The following INTS6L variants were observed in gnomAD, a reference collection of about 807,000 sequenced individuals.
INTS6L encodes integrator complex subunit 6 like.
INTS6L carries 18 observed loss-of-function variants against 64.7 expected under a neutral mutation model. The observed-to-expected ratio is 0.28, with a 90% CI of 0.19 to 0.41. The LOEUF (loss-of-function observed/expected upper bound fraction) is 0.41, where lower values mean the gene tolerates loss of function less well. Among genes scored for constraint, INTS6L ranks in the 10% least tolerant of loss-of-function variants. INTS6L has a pLI of 1.00. For synonymous variants in INTS6L, 227 were observed against 235.9 expected, an observed-to-expected ratio of 0.96 and a Z score of 0.34; for missense variants, 533 against 661.0, an observed-to-expected ratio of 0.81 and a Z score of 2.12.
At chrX:135,560,997 G>A (rs1457534924) in intron 9 of INTS6L, among the ~76,000 whole-genome samples, 37 of 86,261 alleles carry the variant, frequency 4.3e-4, no homozygotes, top group Non-Finnish European at 7.4e-4. Context: ...GTGTTGCCCA[G>A]GCTGGAGTGC....
In INTS6L at chrX:135,572,807, C is replaced by G; in HGVS notation, c.1399-8C>G. On this transcript the variant is annotated splice_region_variant and splice_polypyrimidine_tract_variant and intron_variant, in intron 11 of 17. Transcript: ENST00000639893. The stretch of plus-strand genomic sequence containing the variant: ...GTTTTTATAACATACTATGTACTTT[C>G]ATTTTAGACCAAACTAGAGTCAGAA... The G allele has an allele frequency of 1.7e-6, 2 of 1,199,973 alleles. No homozygotes were observed. Among genetic ancestry groups the G allele is most frequent in the Non-Finnish European group, 2.3e-6 (2 of 887,272 alleles).
chrX:135,578,876 A>G (rs2087300321), intron 15 of INTS6L, among the ~76,000 whole-genome samples: 1 of 111,459 alleles, frequency 9.0e-6, no homozygotes, highest in Non-Finnish European at 1.9e-5. Context: ...CTGCATGTAT[A>G]TCACATCATG....
At chrX:135,550,923 G>T (rs781901599) in intron 7 of INTS6L, among the ~76,000 whole-genome samples, 1 of 111,620 alleles carries the variant, frequency 9.0e-6, no homozygotes, top group Non-Finnish European at 1.9e-5. Flanking sequence ...ATTTTTACCT[G>T]TTCAAATCTA....
At chrX:135,535,770 G>A (rs1201994512) in intron 2 of INTS6L, among the ~76,000 whole-genome samples, 4 of 111,864 alleles carry the variant, frequency 3.6e-5, no homozygotes, top group African/African-American at 1.3e-4. Flanking sequence ...TTTAGACTCT[G>A]GCTTTAACTT....
At chrX:135,557,798 A>G (rs2148641241) in intron 9 of INTS6L, among the ~76,000 whole-genome samples, 1 of 112,353 alleles carries the variant, frequency 8.9e-6, no homozygotes, top group East Asian at 2.8e-4. Context: ...ACATGGGACT[A>G]TATCAACCTT....
At chrX:135,581,251 C>T in intron 17 of INTS6L, 108 bp downstream of exon 17, 1 of 588,728 alleles carries the variant, frequency 1.7e-6, no homozygotes, top group Non-Finnish European at 2.6e-6. Context: ...TTTCTCAAAC[C>T]CTGGCCCTCA....
intron 9 of INTS6L, among the ~76,000 whole-genome samples, chrX:135,562,328 A>G (rs73561617): frequency 0.025 from 2,747 of 111,883 alleles, 80 homozygotes; most frequent in African/African-American, 0.082. Flanking sequence ...TTTTGTTACT[A>G]GTTTCTAGAT....
intron 2 of INTS6L, among the ~76,000 whole-genome samples, chrX:135,532,482 A>C (rs1192932016): frequency 1.8e-5 from 2 of 112,425 alleles, no homozygotes; most frequent in Non-Finnish European, 3.8e-5. Flanking sequence ...CTAGTAGATC[A>C]TACCATCTAC....
At chrX:135,557,344 C>T (rs926922733) in intron 9 of INTS6L, among the ~76,000 whole-genome samples, 2 of 111,603 alleles carry the variant, frequency 1.8e-5, no homozygotes, top group Non-Finnish European at 3.8e-5. Context: ...ATGTAATCTT[C>T]ACTAACACTG....
intron 2 of INTS6L, among the ~76,000 whole-genome samples, chrX:135,543,983 A>G (rs782696226): frequency 1.8e-5 from 2 of 112,487 alleles, no homozygotes; most frequent in Non-Finnish European, 3.8e-5. Flanking sequence ...GAACATTAAA[A>G]TAAAAGACAA....
chrX:135,530,818 G>C (rs2085888261), intron 2 of INTS6L, among the ~76,000 whole-genome samples: 1 of 112,167 alleles, frequency 8.9e-6, no homozygotes, highest in South Asian at 3.7e-4. Flanking sequence ...AAGAAGTAGA[G>C]ATGTCAGTCA....
chrX:135,533,676 G>C (rs189661854), intron 2 of INTS6L, among the ~76,000 whole-genome samples: 6 of 111,165 alleles, frequency 5.4e-5, no homozygotes, highest in African/African-American at 2.0e-4. Context: ...TCTTCAGAAC[G>C]TAATAAATGG....
At chrX:135,552,546 G>GAACC (rs1422676664) in intron 8 of INTS6L, among the ~76,000 whole-genome samples, 1 of 111,858 alleles carries the variant, frequency 8.9e-6, no homozygotes, top group African/African-American at 3.3e-5. Context: ...TTTAGGCAGA[G>GAACC]AACCATAAGT....
rs1556515324 is a variant in INTS6L at position 135,547,139 on chromosome X, C to T, written c.616C>T (p.Arg206Cys). ...ATTTATTTTTCCTTCTGGGATAGGT[C>T]GCTCCTACTGTGTGAGAACACAAAG... is the stretch of plus-strand genomic sequence containing the variant. Reference protein sequence around the residue: ...ITQMCEVTGGRSYCVRTQRML... With the variant: ...ITQMCEVTGGCSYCVRTQRML... The change falls in exon 6 of 18, where the codon CGC (arginine) becomes TGC (cysteine). Residue 206 changes from arginine to cysteine, a missense_variant and splice_region_variant. Arg to Cys is a radical substitution (Grantham distance 180). Transcript: ENST00000639893. The T allele has an allele frequency of 8.3e-7, 1 of 1,207,423 alleles. No individual in the cohort carries two copies. Among genetic ancestry groups the T allele is most frequent in the Admixed American group, 2.2e-5 (1 of 45,158 alleles).
At chrX:135,569,939 C>T (rs2087052526) in intron 10 of INTS6L, 1 of 113,812 alleles carries the variant, frequency 8.8e-6, no homozygotes. Context: ...TTTTGGATTT[C>T]ATAATGTGAA....
intron 8 of INTS6L, among the ~76,000 whole-genome samples, chrX:135,553,546 A>G (rs1436394564): frequency 9.9e-6 from 1 of 101,223 alleles, no homozygotes; most frequent in Non-Finnish European, 2.0e-5. Context: ...CTGGTCTCAA[A>G]CTCCTGGGCT....
Position 135,547,278 on chromosome X carries a change from A to G in INTS6L, c.742+13A>G. 1.7e-6 allele frequency: 2 copies of G among 1,195,103 alleles called. No individual in the cohort carries two copies. The highest frequency in any genetic ancestry group is 2.2e-6 in the Non-Finnish European group (2 of 889,499). On this transcript the variant is annotated intron_variant, in intron 6 of 17. Coordinates refer to ENST00000639893, the MANE Select transcript of INTS6L (RefSeq NM_001351601.3). ...CCTATTGGAGAAGGTATAGTAGATA[A>G]CTTTTTTAACCCTAAAGTGTTATAT...
intron 2 of INTS6L, among the ~76,000 whole-genome samples, chrX:135,538,815 A>C (rs2086121764): frequency 8.9e-6 from 1 of 112,545 alleles, no homozygotes; most frequent in African/African-American, 3.2e-5. Context: ...CTCCTTGTAC[A>C]TCTACATCAG....
At position 135,577,906 on chromosome X, in the gene INTS6L, G is replaced by C. The variant is rs1556532016; in HGVS notation, c.2119+479G>C. Among the ~76,000 whole-genome samples, 4 of 111,490 alleles carry C rather than the reference G, an allele frequency of 3.6e-5. 1 individual carries two copies. The Admixed American group carries it at 3.8e-4, about 11-fold the overall frequency. ...GGTGCAGTCTGGTATCTGCCTCCTC[G>C]ACCCCACTGAAACATTCTCATCAAG... On this transcript the variant is annotated intron_variant, in intron 15 of 17. Coordinates refer to ENST00000639893, the MANE Select transcript of INTS6L (RefSeq NM_001351601.3).
Sources: allele counts gnomAD v4.1 joint callset (sites outside exome capture counted in the v4.1 genomes callset), GRCh38; gene constraint gnomAD v4.1.1; transcripts MANE v1.5; gene names NCBI Gene and HGNC (gene_info 2026-07-23, HGNC 2026-07-21).